Variants in MYO1E observed in about 807,000 individuals in gnomAD.
The protein encoded by MYO1E is myosin IE, also known as unconventional myosin-Ie.
Under a neutral mutation model 151.1 loss-of-function variants are expected in MYO1E, and 68 were observed. The ratio of observed to expected loss-of-function variants is 0.45; its 90% CI spans 0.37 to 0.55. The LOEUF is 0.55. Among genes scored for constraint, MYO1E ranks in the 20% least tolerant of loss-of-function variants. The pLI, the probability that MYO1E is intolerant of heterozygous loss-of-function variation, is 0.00. For missense variants in MYO1E, 1,363 were observed against 1,389.3 expected (o/e 0.98, Z 0.30); for synonymous variants, 601 against 501.7 (o/e 1.20, Z -2.64).
chr15:59,286,451 G>A (rs530471402), intron 1 of MYO1E, among the ~76,000 whole-genome samples: 8 of 152,272 alleles, frequency 5.3e-5, no homozygotes, highest in Admixed American at 3.3e-4. Context: ...AAAAGCCAAC[G>A]TGGAAACTCC....
chr15:59,297,799 C>T (rs949681943), intron 1 of MYO1E, among the ~76,000 whole-genome samples: 5 of 151,968 alleles, frequency 3.3e-5, no homozygotes, highest in Non-Finnish European at 7.4e-5. Flanking sequence ...CCGGGTTGGT[C>T]TTGAACTCCT....
rs1371716081 is a variant in MYO1E at position 59,207,074 on chromosome 15, C to T, written c.1531-1589G>A. 3.2e-5 allele frequency: 51 copies of T among 1,614,088 alleles called. No individual in the cohort carries two copies. The highest frequency in any genetic ancestry group is 4.2e-5 in the Non-Finnish European group (49 of 1,180,018). On this transcript the variant is annotated intron_variant, in intron 14 of 27. Coordinates refer to ENST00000288235, the MANE Select transcript of MYO1E (RefSeq NM_004998.4). ...CCGCTCAACGGCACCTGGCTCTTCA[C>T]CCCCGTGAGCAAGATGGCGACTGTG... is the stretch of plus-strand genomic sequence containing the variant.
chr15:59,218,770 G>T (rs1357348652), intron 9 of MYO1E, among the ~76,000 whole-genome samples: 1 of 152,202 alleles, frequency 6.6e-6, no homozygotes, highest in African/African-American at 2.4e-5. Context: ...TGCTGGGGTA[G>T]TCAAGAGATT....
At chr15:59,338,578 T>C (rs1387114645) in intron 1 of MYO1E, among the ~76,000 whole-genome samples, 4 of 152,178 alleles carry the variant, frequency 2.6e-5, no homozygotes, top group East Asian at 1.9e-4. Context: ...ACTGTCTCTA[T>C]GGGCTCTCAG....
chr15:59,371,463 C>G (rs1287912631), intron 1 of MYO1E, among the ~76,000 whole-genome samples: 1 of 149,430 alleles, frequency 6.7e-6, no homozygotes, highest in Non-Finnish European at 1.5e-5. Context: ...AACTGCCGAT[C>G]TCTTCAAAAT....
intron 1 of MYO1E, among the ~76,000 whole-genome samples, chr15:59,281,863 C>T (rs1158276932): frequency 6.7e-6 from 1 of 150,282 alleles, no homozygotes; most frequent in Non-Finnish European, 1.5e-5. Flanking sequence ...CTTTGGGAAG[C>T]AAAGGTGAAA....
chr15:59,206,913 T>C (rs1431517593), intron 14 of MYO1E: 1 of 1,591,232 alleles, frequency 6.3e-7, no homozygotes, highest in Non-Finnish European at 8.6e-7. Flanking sequence ...TTTTCCATTC[T>C]CTCTCTCCAC....
chr15:59,320,227 G>A (rs138759821), intron 1 of MYO1E, among the ~76,000 whole-genome samples: 6 of 152,206 alleles, frequency 3.9e-5, no homozygotes, highest in Non-Finnish European at 7.4e-5. Flanking sequence ...AATCAATATC[G>A]TTAAAATGGC....
intron 7 of MYO1E, 65 bp downstream of exon 7, chr15:59,227,394 T>C: frequency 6.3e-7 from 1 of 1,595,510 alleles, no homozygotes; most frequent in Non-Finnish European, 8.6e-7. Flanking sequence ...ATGCCTGAAG[T>C]CTGAGAAATA....
At chr15:59,346,791 G>A (rs576613798) in intron 1 of MYO1E, among the ~76,000 whole-genome samples, 2 of 152,086 alleles carry the variant, frequency 1.3e-5, no homozygotes, top group South Asian at 4.2e-4. Flanking sequence ...AAGGCACACA[G>A]CTGTAGTTCC....
At position 59,153,591 on chromosome 15, in the gene MYO1E, C is replaced by A; in HGVS notation, c.3079G>T (p.Gly1027Trp). Residue 1027 changes from glycine (G) to tryptophan (W), a missense_variant and splice_region_variant, in exon 26 of 28, where the codon GGG becomes TGG. Coordinates refer to ENST00000288235, the MANE Select transcript of MYO1E (RefSeq NM_004998.4). ...ATCCAGAGGATGTGAGAATCTTACC[C>A]TGCAGCTCCCTGGTCCGGGACCTTG... ...FLKVPDQGAA[G>W]VRRQTTSRPP... 6.2e-7 allele frequency: 1 copy of A among 1,614,036 alleles called. No homozygotes were observed. The highest frequency in any genetic ancestry group is 1.1e-5 in the South Asian group (1 of 91,072).
At chr15:59,326,604 C>T (rs575522895) in intron 1 of MYO1E, among the ~76,000 whole-genome samples, 5 of 152,314 alleles carry the variant, frequency 3.3e-5, no homozygotes, top group African/African-American at 1.2e-4. Flanking sequence ...CGTATCGACA[C>T]GTGATAACTG....
At chr15:59,150,877 G>A (rs751091524) in intron 26 of MYO1E, among the ~76,000 whole-genome samples, 7 of 152,014 alleles carry the variant, frequency 4.6e-5, no homozygotes, top group Admixed American at 1.3e-4. Flanking sequence ...GCTTTCCAGC[G>A]GATTCTACTG....
chr15:59,192,343 G>A (rs755503870), intron 17 of MYO1E, among the ~76,000 whole-genome samples: 4 of 151,378 alleles, frequency 2.6e-5, no homozygotes, highest in Non-Finnish European at 5.9e-5. Context: ...CTCATCCTAT[G>A]AGGATTTACT....
At chr15:59,156,264 A>C (rs867117577) in intron 25 of MYO1E, among the ~76,000 whole-genome samples, 1 of 152,154 alleles carries the variant, frequency 6.6e-6, no homozygotes, top group South Asian at 2.1e-4. Flanking sequence ...AGCTCACTGC[A>C]ATCTCCACCT....
intron 1 of MYO1E, among the ~76,000 whole-genome samples, chr15:59,283,002 A>G (rs2080366409): frequency 8.3e-6 from 1 of 120,374 alleles, no homozygotes. Flanking sequence ...GGAAAGGGAA[A>G]GGCCTGGGCA....
intron 25 of MYO1E, among the ~76,000 whole-genome samples, chr15:59,157,041 A>G (rs1255705380): frequency 6.6e-6 from 1 of 151,864 alleles, no homozygotes; most frequent in East Asian, 1.9e-4. Context: ...TGGGCAACAC[A>G]GTGAGACTCC....
At chr15:59,353,787 A>G (rs1183305216) in intron 1 of MYO1E, among the ~76,000 whole-genome samples, 2 of 151,908 alleles carry the variant, frequency 1.3e-5, no homozygotes, top group Non-Finnish European at 2.9e-5. Context: ...GAAAGAAAAA[A>G]ACGCAAAGGT....
chr15:59,214,792 G>A, intron 10 of MYO1E, 72 bp from the exon 11 acceptor site: 1 of 1,201,128 alleles, frequency 8.3e-7, no homozygotes, highest in Non-Finnish European at 1.2e-6. Context: ...ACTGGGGAAA[G>A]GGAAGCTGGA....
Sources: allele counts gnomAD v4.1 joint callset (sites outside exome capture counted in the v4.1 genomes callset), GRCh38; gene constraint gnomAD v4.1.1; transcripts MANE v1.5; gene names NCBI Gene and HGNC (gene_info 2026-07-23, HGNC 2026-07-21).